The following HCN1 variants were observed in gnomAD, a reference collection of about 807,000 sequenced individuals.
The protein encoded by HCN1 is potassium/sodium hyperpolarization-activated cyclic nucleotide-gated channel 1.
HCN1 carries 13 observed loss-of-function variants against 78.9 expected under a neutral mutation model. That is an observed-to-expected ratio of 0.16 (90% confidence interval 0.11 to 0.26). The LOEUF (loss-of-function observed/expected upper bound fraction) is 0.26. HCN1 is among the 10% of genes least tolerant of loss of function. HCN1 has a pLI of 1.00. For synonymous variants in HCN1, 552 were observed against 455.5 expected (o/e 1.21, Z -2.70); for missense variants, 810 against 1,154.3 (o/e 0.70, Z 4.32).
At chr5:45,370,129 T>C (rs1486951446) in intron 4 of HCN1, among the ~76,000 whole-genome samples, 1 of 152,030 alleles carries the variant, frequency 6.6e-6, no homozygotes, top group East Asian at 1.9e-4. Context: ...TCACTGTTAA[T>C]GGAGTATGTT....
At position 45,262,322 on chromosome 5, in the gene HCN1, G is replaced by A. The variant is rs1353996566; in HGVS notation, c.2272C>T (p.Pro758Ser). ...PQQPSPQPQT[P>S]GSSTPKNEVH... ...TCATTTTTCGGCGTGGAGCTGCCAG[G>A]TGTCTGTGGCTGCGGGGACGGCTGC... The change falls in exon 8 of 8, where the codon CCT becomes TCT. Residue 758 changes from proline (P) to serine (S), a missense_variant. Transcript: ENST00000303230. The A allele has an allele frequency of 6.2e-7, 1 of 1,613,850 alleles. No homozygotes were observed. Among genetic ancestry groups the A allele is most frequent in the South Asian group, 1.1e-5 (1 of 91,074 alleles).
intron 2 of HCN1, chr5:45,641,826 A>T (rs892115691): frequency 6.6e-6 from 1 of 152,152 alleles, no homozygotes; most frequent in Admixed American, 6.6e-5. Context: ...ATAATCTCCT[A>T]TTCACTAAGC....
intron 2 of HCN1, among the ~76,000 whole-genome samples, chr5:45,476,852 A>C (rs1741528239): frequency 6.6e-6 from 1 of 152,170 alleles, no homozygotes; most frequent in Non-Finnish European, 1.5e-5. Context: ...TTTCATGCAC[A>C]AAATTAATTA....
intron 3 of HCN1, among the ~76,000 whole-genome samples, chr5:45,407,599 A>G (rs910810689): frequency 1.3e-5 from 2 of 152,058 alleles, no homozygotes; most frequent in Admixed American, 6.5e-5. Flanking sequence ...GGCTCACTGC[A>G]ACCTCCGCCT....
intron 1 of HCN1, among the ~76,000 whole-genome samples, chr5:45,690,053 A>C (rs1341345580): frequency 6.6e-6 from 1 of 152,098 alleles, no homozygotes; most frequent in Non-Finnish European, 1.5e-5. Flanking sequence ...TAGCCAAAAC[A>C]ATGAAGAGTA....
At chr5:45,383,954 G>A (rs534818283) in intron 4 of HCN1, among the ~76,000 whole-genome samples, 3 of 151,996 alleles carry the variant, frequency 2.0e-5, no homozygotes, top group Non-Finnish European at 4.4e-5. Flanking sequence ...CAACATCTGA[G>A]AAACAGGTAA....
intron 2 of HCN1, among the ~76,000 whole-genome samples, chr5:45,481,538 G>A (rs1172499987): frequency 3.9e-5 from 6 of 152,212 alleles, no homozygotes; most frequent in Non-Finnish European, 7.3e-5. Flanking sequence ...ACTGAAAGTT[G>A]TGGTTAGACT....
intron 4 of HCN1, among the ~76,000 whole-genome samples, chr5:45,388,006 C>G (rs187629043): frequency 1.3e-5 from 2 of 152,192 alleles, no homozygotes; most frequent in East Asian, 3.9e-4. Context: ...GTAACCGAAA[C>G]TGAAAACAAA....
At chr5:45,693,563 C>T (rs1436548584) in intron 1 of HCN1, among the ~76,000 whole-genome samples, 1 of 152,004 alleles carries the variant, frequency 6.6e-6, no homozygotes, top group Non-Finnish European at 1.5e-5. Context: ...ATTAAATCAT[C>T]ACCTGATTTC....
chr5:45,269,981 C>T (rs776998171), intron 6 of HCN1, among the ~76,000 whole-genome samples: 1 of 152,320 alleles, frequency 6.6e-6, no homozygotes, highest in South Asian at 2.1e-4. Flanking sequence ...CTACAGAATA[C>T]CTGAATAGCA....
intron 2 of HCN1, among the ~76,000 whole-genome samples, chr5:45,467,907 C>T (rs1003770863): frequency 2.6e-5 from 4 of 151,944 alleles, no homozygotes; most frequent in Non-Finnish European, 4.4e-5. Flanking sequence ...TCTTTTTAGT[C>T]TTCTCTGTTT....
chr5:45,321,879 G>A (rs1746133613), intron 5 of HCN1, among the ~76,000 whole-genome samples: 1 of 151,782 alleles, frequency 6.6e-6, no homozygotes, highest in Non-Finnish European at 1.5e-5. Context: ...TGAAAACTAA[G>A]AAAAGCAATG....
intron 2 of HCN1, among the ~76,000 whole-genome samples, chr5:45,587,663 C>T (rs1186531438): frequency 3.3e-5 from 5 of 151,744 alleles, no homozygotes; most frequent in East Asian, 1.9e-4. Flanking sequence ...CAAACCTGCA[C>T]GTTGTGTACA....
chr5:45,483,416 T>C (rs753520978), intron 2 of HCN1, among the ~76,000 whole-genome samples: 5 of 152,210 alleles, frequency 3.3e-5, no homozygotes, highest in African/African-American at 7.2e-5. Context: ...TGGCGACTTG[T>C]ACATCTTCTT....
chr5:45,505,667 T>A (rs1317819736), intron 2 of HCN1, among the ~76,000 whole-genome samples: 2 of 151,468 alleles, frequency 1.3e-5, no homozygotes, highest in Non-Finnish European at 2.9e-5. Flanking sequence ...AAAATCTGGA[T>A]GCATATATAT....
At chr5:45,406,726 CT>C (rs1739932644) in intron 3 of HCN1, among the ~76,000 whole-genome samples, 1 of 152,100 alleles carries the variant, frequency 6.6e-6, no homozygotes, top group East Asian at 1.9e-4. Flanking sequence ...CAGAGAAATT[CT>C]TTAAACTATG....
intron 2 of HCN1, among the ~76,000 whole-genome samples, chr5:45,573,395 T>C (rs548095036): frequency 8.5e-5 from 13 of 152,082 alleles, no homozygotes; most frequent in Non-Finnish European, 1.8e-4. Flanking sequence ...CCATTGCTAA[T>C]AGTGTCTAGT....
At chr5:45,580,725 T>C (rs1054628685) in intron 2 of HCN1, among the ~76,000 whole-genome samples, 1 of 152,046 alleles carries the variant, frequency 6.6e-6, no homozygotes, top group African/African-American at 2.4e-5. Flanking sequence ...TGTGTTATGT[T>C]CCTCTTCCTG....
At chr5:45,348,705 A>G (rs1002347818) in intron 5 of HCN1, among the ~76,000 whole-genome samples, 3 of 152,214 alleles carry the variant, frequency 2.0e-5, no homozygotes, top group African/African-American at 7.2e-5. Flanking sequence ...AAACAAAAAA[A>G]AGGCAAGGGT....
Sources: allele counts gnomAD v4.1 joint callset (sites outside exome capture counted in the v4.1 genomes callset), GRCh38; gene constraint gnomAD v4.1.1; transcripts MANE v1.5; gene names NCBI Gene and HGNC (gene_info 2026-07-23, HGNC 2026-07-21).